Variants in IL16 observed in about 807,000 individuals in gnomAD.
IL16 encodes the protein interleukin 16.
Under a neutral mutation model 110.1 loss-of-function variants are expected in IL16, and 67 were observed. The ratio of observed to expected loss-of-function variants is 0.61; its 90% CI spans 0.50 to 0.75. IL16 has a LOEUF of 0.75. Among genes scored for constraint, IL16 ranks in the 30% least tolerant of loss-of-function variants. The pLI is 0.00. For synonymous variants in IL16, 689 were observed against 662.9 expected (o/e 1.04, Z -0.61); for missense variants, 1,545 against 1,655.0 (o/e 0.93, Z 1.15).
intron 1 of IL16, among the ~76,000 whole-genome samples, chr15:81,202,529 T>A (rs756535709): frequency 7.0e-6 from 1 of 142,974 alleles, no homozygotes; most frequent in Non-Finnish European, 1.5e-5. Context: ...CCTGTGTCCA[T>A]GTGTTCTCAT....
intron 2 of IL16, among the ~76,000 whole-genome samples, chr15:81,248,659 T>C: frequency 6.6e-6 from 1 of 150,438 alleles, no homozygotes. Context: ...TCTCATTCCC[T>C]TTCTCCTCCT....
intron 2 of IL16, among the ~76,000 whole-genome samples, chr15:81,239,143 A>T (rs4296216): frequency 0.24 from 35,800 of 151,662 alleles, 4,840 homozygotes; most frequent in African/African-American, 0.37. Flanking sequence ...CTTTTCTCAC[A>T]TGACTCGTGA....
At chr15:81,260,677 C>T (rs1308879920) in intron 3 of IL16, among the ~76,000 whole-genome samples, 1 of 152,132 alleles carries the variant, frequency 6.6e-6, no homozygotes, top group Non-Finnish European at 1.5e-5. Context: ...AAGGCAGTGG[C>T]CTGGTTAAGA....
chr15:81,231,034 G>C (rs1896952817), intron 2 of IL16, among the ~76,000 whole-genome samples: 1 of 151,986 alleles, frequency 6.6e-6, no homozygotes, highest in Non-Finnish European at 1.5e-5. Context: ...CCTGGCCCCA[G>C]ATTCACAAAT....
chr15:81,231,596 C>T (rs963591779), intron 2 of IL16, among the ~76,000 whole-genome samples: 1 of 152,134 alleles, frequency 6.6e-6, no homozygotes, highest in African/African-American at 2.4e-5. Context: ...TGTTCTCAAA[C>T]TTGTGCATTC....
intron 9 of IL16, among the ~76,000 whole-genome samples, chr15:81,284,020 AAAAG>A (rs1320900070): frequency 8.2e-5 from 12 of 146,386 alleles, no homozygotes; most frequent in South Asian, 2.4e-4. Flanking sequence ...AAAAAAAAAA[AAAAG>A]AGAGAGAGAA....
chr15:81,193,754 C>A (rs1895535905), upstream of IL16, among the ~76,000 whole-genome samples: 3 of 152,110 alleles, frequency 2.0e-5, no homozygotes. Context: ...ACTTTTTGGA[C>A]ATGTAACTTC....
chr15:81,242,304 T>C (rs1897364604), intron 2 of IL16, among the ~76,000 whole-genome samples: 1 of 152,194 alleles, frequency 6.6e-6, no homozygotes, highest in African/African-American at 2.4e-5. Context: ...AGGAATTGCG[T>C]TAAACCAGCA....
chr15:81,292,963 G>A lies in IL16; in HGVS notation c.1828G>A (p.Asp610Asn). 6.2e-7 allele frequency: 1 copy of A among 1,614,032 alleles called. No homozygotes were observed. Among genetic ancestry groups the A allele is most frequent in the South Asian group, 1.1e-5 (1 of 91,072 alleles). Residue 610 changes from aspartate (D) to asparagine (N), a missense_variant, in exon 12 of 19, where the codon GAC becomes AAC. By Grantham distance (23) the Asp-to-Asn change is conservative. Around this residue, in one of 3 missense-constraint regions of IL16, gnomAD observed 1,185 missense variants for 1,238.8 expected, o/e 0.96. Coordinates refer to ENST00000683961, the MANE Select transcript of IL16 (RefSeq NM_172217.5). ...PPRKYFKSDS[D>N]PQKSLEEREN... ...CAGAAAATACTTTAAAAGTGACAGT[G>A]ACCCTCAGAAGAGTCTGGAAGAGAG...
chr15:81,257,007 GA>G (rs2142171682), intron 2 of IL16, among the ~76,000 whole-genome samples: 1 of 152,308 alleles, frequency 6.6e-6, no homozygotes, highest in African/African-American at 2.4e-5. Context: ...ATGAAGCATT[GA>G]ATTCAGAGAA....
chr15:81,226,138 G>A (rs543854967), intron 2 of IL16, among the ~76,000 whole-genome samples: 1 of 152,304 alleles, frequency 6.6e-6, no homozygotes, highest in South Asian at 2.1e-4. Flanking sequence ...GCAAGGTAAG[G>A]GGTGCCGGAT....
rs1284234377 is a variant in IL16 at position 81,279,734 on chromosome 15, G to T, written c.1041G>T (p.Lys347Asn). 2 of 1,614,258 alleles carry T rather than the reference G, an allele frequency of 1.2e-6. No homozygotes were observed. Among genetic ancestry groups the T allele is most frequent in the East Asian group, 4.5e-5 (2 of 44,882 alleles). ...ESPSAPISTA[K>N]PNYRIMVEVS... ...CCTCGGCTCCCATCAGCACCGCCAAGCCCAATTACAGAATCATGGTGGAGG... is the reference window on the plus strand; with the variant it reads ...CCTCGGCTCCCATCAGCACCGCCAATCCCAATTACAGAATCATGGTGGAGG... The change falls in exon 8 of 19, where the codon AAG becomes AAT. Residue 347 changes from lysine (K) to asparagine (N), a missense_variant. Physicochemically the swap from Lys to Asn is moderately conservative, Grantham distance 94 (BLOSUM62 0). Coordinates refer to ENST00000683961, the MANE Select transcript of IL16 (RefSeq NM_172217.5).
At chr15:81,289,607 C>G (rs1193718939) in intron 10 of IL16, among the ~76,000 whole-genome samples, 1 of 152,076 alleles carries the variant, frequency 6.6e-6, no homozygotes, top group Non-Finnish European at 1.5e-5. Flanking sequence ...AGGTTCTGTG[C>G]CCAGTTTTTA....
chr15:81,189,455 G>C (rs945384245), intron 1 of IL16, among the ~76,000 whole-genome samples: 1 of 152,018 alleles, frequency 6.6e-6, no homozygotes, highest in African/African-American at 2.4e-5. Flanking sequence ...TTTTATTTTT[G>C]TAGGGACAGA....
chr15:81,299,984 C>T lies in IL16; in HGVS notation c.2658C>T (p.Leu886=), dbSNP rs1229880361. Residue 886 remains leucine, a synonymous_variant, in exon 14 of 19, where the codon CTC becomes CTT. Coordinates refer to ENST00000683961, the MANE Select transcript of IL16 (RefSeq NM_172217.5). The part of the protein sequence containing the change: ...GKHEEGRFSG[L]LGRGAAPTLV... ...ATGAGGAAGGACGGTTTTCTGGACTCTTGGGGCGAGGGGCTGCACCCACTC... is the reference window on the plus strand; with the variant it reads ...ATGAGGAAGGACGGTTTTCTGGACTTTTGGGGCGAGGGGCTGCACCCACTC... The T allele has an allele frequency of 1.9e-6, 3 of 1,601,428 alleles. No homozygotes were observed. Among genetic ancestry groups the T allele is most frequent in the African/African-American group, 2.7e-5 (2 of 74,518 alleles).
chr15:81,308,232 T>C (rs17875552), intron 18 of IL16, among the ~76,000 whole-genome samples: 141 of 152,262 alleles, frequency 9.3e-4, no homozygotes, highest in African/African-American at 3.3e-3. Context: ...GGAGAACAAA[T>C]GTGAAGGGAG....
intron 3 of IL16, among the ~76,000 whole-genome samples, chr15:81,260,370 A>G (rs936384337): frequency 5.0e-4 from 76 of 152,338 alleles, no homozygotes; most frequent in African/African-American, 1.6e-3. Flanking sequence ...TTTCCCTTCT[A>G]TGCCTACATA....
At chr15:81,306,791 C>G in intron 18 of IL16, 1 of 529,020 alleles carries the variant, frequency 1.9e-6, no homozygotes, top group Non-Finnish European at 3.4e-6. Context: ...GGGCTTGGTT[C>G]GGGTTGGCAG....
chr15:81,228,380 G>A (rs1444568253), intron 2 of IL16, among the ~76,000 whole-genome samples: 1 of 151,710 alleles, frequency 6.6e-6, no homozygotes, highest in Non-Finnish European at 1.5e-5. Context: ...GAGTACAGGG[G>A]TGCGATCTCA....
Sources: gnomAD v4.1 joint callset for allele counts (sites outside exome capture counted in the v4.1 genomes callset) on GRCh38, gnomAD v4.1.1 for gene constraint, gnomAD v4.1.1 regional missense constraint, MANE v1.5 for transcripts, NCBI Gene and HGNC (gene_info 2026-07-23, HGNC 2026-07-21) for gene names.